The following DENND5B variants were observed in gnomAD, a reference collection of about 807,000 sequenced individuals.
DENND5B encodes the protein DENN domain containing 5B.
DENND5B carries 34 observed loss-of-function variants against 140.6 expected under a neutral mutation model. The ratio of observed to expected loss-of-function variants is 0.24; its 90% CI spans 0.18 to 0.32. The LOEUF (loss-of-function observed/expected upper bound fraction) is 0.32. DENND5B is among the 10% of genes least tolerant of loss of function. DENND5B has a pLI of 1.00. For missense variants in DENND5B, 1,142 were observed against 1,560.2 expected, an observed-to-expected ratio of 0.73 and a Z score of 4.52; for synonymous variants, 551 against 562.1, an observed-to-expected ratio of 0.98 and a Z score of 0.28.
At chr12:31,422,416 C>T (rs978080511) in intron 11 of DENND5B, among the ~76,000 whole-genome samples, 3 of 150,280 alleles carry the variant, frequency 2.0e-5, no homozygotes, top group Admixed American at 6.6e-5. Context: ...GGCGACACAG[C>T]GAGACTGTGT....
chr12:31,442,181 G>A lies in DENND5B; in HGVS notation c.2012+594C>T, dbSNP rs79007570. Among the ~76,000 whole-genome samples the A allele has an allele frequency of 9.5e-3, 1,450 of 152,236 alleles. 25 individuals are homozygous for A. The highest frequency in any genetic ancestry group is 0.033 in the African/African-American group (1,373 of 41,562). ...TCTTAACAGAACCCAGTTTAAGGCA[G>A]AGGTGAGACATCTGAAGGCTCTTTC... On this transcript the variant is annotated intron_variant, in intron 7 of 20. Transcript: ENST00000389082.
Position 31,578,140 on chromosome 12 carries a change from A to C in DENND5B, c.127+12566T>G, listed in dbSNP as rs553587962. Reference sequence around the variant, plus strand: ...GGACGCTGTCTCAAAAAAAAAAAAAAAAAAAAAAAAACTACAACCCTAACA... The same window carrying C: ...GGACGCTGTCTCAAAAAAAAAAAAACAAAAAAAAAAACTACAACCCTAACA... On this transcript the variant is annotated intron_variant, in intron 1 of 20. Transcript: ENST00000389082. Among the ~76,000 whole-genome samples, 121 of 151,566 alleles carry C rather than the reference A, an allele frequency of 8.0e-4. 3 individuals carry two copies. The East Asian group carries it at 0.019, about 24-fold the overall frequency.
chr12:31,396,646 G>A (rs1014661220), intron 17 of DENND5B: 3 of 152,198 alleles, frequency 2.0e-5, no homozygotes, highest in Non-Finnish European at 4.4e-5. Context: ...AAGACAGAGT[G>A]TCACTCTGTC....
At chr12:31,482,720 GT>G (rs1199691955) in intron 2 of DENND5B, among the ~76,000 whole-genome samples, 1 of 151,930 alleles carries the variant, frequency 6.6e-6, no homozygotes, top group East Asian at 1.9e-4. Context: ...GAAAGTAATT[GT>G]TTTGATCTTT....
chr12:31,584,668 A>T (rs1194923660), intron 1 of DENND5B, among the ~76,000 whole-genome samples: 1 of 151,988 alleles, frequency 6.6e-6, no homozygotes, highest in African/African-American at 2.4e-5. Context: ...CTCTACAAAA[A>T]ATACAAAAAT....
chr12:31,541,163 G>A (rs1948671688), intron 1 of DENND5B: 1 of 276,360 alleles, frequency 3.6e-6, no homozygotes, highest in South Asian at 3.2e-5. Context: ...GATTTCTTGA[G>A]TAATACCCCA....
chr12:31,523,654 A>G (rs1368711319), intron 1 of DENND5B, among the ~76,000 whole-genome samples: 1 of 152,182 alleles, frequency 6.6e-6, no homozygotes. Context: ...AAATGCCATT[A>G]AATTGTACAC....
At chr12:31,413,670 G>T in intron 12 of DENND5B, 106 bp from the exon 13 acceptor site, 1 of 1,216,900 alleles carries the variant, frequency 8.2e-7, no homozygotes. Context: ...TATACTTAAA[G>T]GGAGCAATGG....
At chr12:31,411,962 G>C (rs1275813984) in intron 13 of DENND5B, among the ~76,000 whole-genome samples, 2 of 152,096 alleles carry the variant, frequency 1.3e-5, no homozygotes, top group African/African-American at 4.8e-5. Flanking sequence ...TTTCATCCAA[G>C]ACAGCTTCTT....
intron 1 of DENND5B, among the ~76,000 whole-genome samples, chr12:31,536,561 A>C (rs1282341707): frequency 1.3e-5 from 2 of 152,036 alleles, no homozygotes; most frequent in African/African-American, 4.8e-5. Context: ...AATGAAGTAC[A>C]CCTACAAGAT....
rs899174578 is a variant in DENND5B, at chr12:31,488,995, G to A, written c.237+6815C>T. On this transcript the variant is annotated intron_variant, in intron 2 of 20. Transcript: ENST00000389082. ...AAATGTTCTTATATTTCTCTAGACC[G>A]TTTCAGGCAGTTTGGCTAGAATTTT... 4.6e-5 allele frequency among the ~76,000 whole-genome samples: 7 copies of A among 152,284 alleles called. No individual in the cohort carries two copies. The South Asian group carries it at 6.2e-4, about 14-fold the overall frequency.
intron 17 of DENND5B, among the ~76,000 whole-genome samples, chr12:31,395,402 T>A (rs559832870): frequency 6.6e-6 from 1 of 152,190 alleles, no homozygotes; most frequent in African/African-American, 2.4e-5. Context: ...AACACCAGCC[T>A]GGCCAACATG....
At chr12:31,589,109 A>G (rs959430123) in intron 1 of DENND5B, among the ~76,000 whole-genome samples, 7 of 152,356 alleles carry the variant, frequency 4.6e-5, no homozygotes, top group African/African-American at 1.7e-4. Context: ...AGAAAAATAC[A>G]GGCTTTTTTC....
chr12:31,400,130 T>C (rs929165751), intron 15 of DENND5B, among the ~76,000 whole-genome samples: 10 of 152,184 alleles, frequency 6.6e-5, no homozygotes, highest in Admixed American at 1.3e-4. Flanking sequence ...GAATAATTTC[T>C]AAAAACAGGA....
intron 1 of DENND5B, among the ~76,000 whole-genome samples, chr12:31,559,831 A>C (rs967417576): frequency 3.9e-5 from 6 of 152,146 alleles, no homozygotes; most frequent in African/African-American, 1.2e-4. Context: ...TACCACATGG[A>C]AATTTTTTAG....
In DENND5B at chr12:31,382,941, C is replaced by T. The variant is rs1449209006; in HGVS notation, c.*4662G>A. Reference sequence around the variant, plus strand: ...ATAAAGGACCTAGTAGTTTATTATCCTTTTCTGTCTCCTATTTATGCTAAA... The same window carrying T: ...ATAAAGGACCTAGTAGTTTATTATCTTTTTCTGTCTCCTATTTATGCTAAA... On this transcript the variant is annotated 3_prime_UTR_variant, in exon 21 of 21. Transcript: ENST00000389082. The T allele has an allele frequency of 6.6e-6, 1 of 151,976 alleles. No individual in the cohort carries two copies. The highest frequency in any genetic ancestry group is 1.5e-5 in the Non-Finnish European group (1 of 67,984). 9.4% of individuals were successfully genotyped at this position (151,976 alleles called of 1,614,324 possible).
At chr12:31,422,752 T>C (rs916088773) in intron 11 of DENND5B, among the ~76,000 whole-genome samples, 1 of 152,158 alleles carries the variant, frequency 6.6e-6, no homozygotes, top group African/African-American at 2.4e-5. Context: ...AAGAAAAGCA[T>C]GTGTTGTTGT....
intron 7 of DENND5B, among the ~76,000 whole-genome samples, chr12:31,439,789 C>T (rs966192182): frequency 2.6e-5 from 4 of 151,680 alleles, no homozygotes; most frequent in Non-Finnish European, 5.9e-5. Context: ...ATTAGCCTGG[C>T]GTAGTGGCGC....
chr12:31,567,811 C>CT (rs1565703595), intron 1 of DENND5B, among the ~76,000 whole-genome samples: 1 of 152,174 alleles, frequency 6.6e-6, no homozygotes. Context: ...GATTCCACCT[C>CT]TTTAAAAAAC....
Sources: gnomAD v4.1 joint callset for allele counts (sites outside exome capture counted in the v4.1 genomes callset) on GRCh38, gnomAD v4.1.1 for gene constraint, MANE v1.5 for transcripts, NCBI Gene and HGNC (gene_info 2026-07-23, HGNC 2026-07-21) for gene names.